WWOX: variants seen among roughly 807,000 people sequenced by gnomAD.
WWOX encodes the protein WW domain containing oxidoreductase, also known as WW domain-containing oxidoreductase.
In WWOX, 69 loss-of-function variants were observed where a neutral mutation model predicts 46.2. That is an observed-to-expected ratio of 1.49 (90% CI 1.23 to 1.82). The LOEUF is 1.82. Among genes scored for constraint, WWOX ranks in the 40% most tolerant of loss-of-function variants. The pLI is 0.00. For synonymous variants in WWOX, 359 were observed against 202.6 expected (o/e 1.77, Z -6.56); for missense variants, 919 against 542.6 (o/e 1.69, Z -6.89).
At chr16:78,391,303 C>T (rs2082170333) in intron 6 of WWOX, among the ~76,000 whole-genome samples, 1 of 152,210 alleles carries the variant, frequency 6.6e-6, no homozygotes, top group South Asian at 2.1e-4. Flanking sequence ...GTGTGCTAAG[C>T]ACTTACATAC....
rs1555548219 is a variant in WWOX at position 78,174,998 on chromosome 16, G to GTAATAGTAA, written c.516+10714_516+10715insGTAATAATA. 1.5e-4 allele frequency among the ~76,000 whole-genome samples: 21 copies of GTAATAGTAA among 140,870 alleles called. 1 individual carries two copies. The highest frequency in any genetic ancestry group is 3.8e-3 in the Middle Eastern group (1 of 264). 92.4% of individuals were successfully genotyped at this position (140,870 alleles called of 152,430 possible). A position where few individuals can be genotyped will look rare whatever the true frequency, so the allele number is the denominator to read the frequency against. On this transcript the variant is annotated intron_variant, in intron 5 of 8. Transcript: ENST00000566780. Reference sequence around the variant, plus strand: ...GCAAGACTCTGTCTCAAAAATAATAGTAATAATAATAATAATAATAATAAT... The same window carrying GTAATAGTAA: ...GCAAGACTCTGTCTCAAAAATAATAGTAATAGTAATAATAATAATAATAATAATAATAAT...
chr16:78,584,356 C>A (rs564496919), intron 8 of WWOX, among the ~76,000 whole-genome samples: 246 of 152,296 alleles, frequency 1.6e-3, no homozygotes, highest in African/African-American at 5.8e-3. Context: ...AGACCAAGCA[C>A]TTGAATCCAT....
intron 8 of WWOX, among the ~76,000 whole-genome samples, chr16:79,111,238 T>C (rs1363520195): frequency 6.6e-6 from 1 of 152,232 alleles, no homozygotes. Flanking sequence ...TTGTAAGCAG[T>C]TCAGGCACTG....
chr16:78,209,466 A>G (rs1391192222), intron 5 of WWOX, among the ~76,000 whole-genome samples: 2 of 152,208 alleles, frequency 1.3e-5, no homozygotes, highest in Admixed American at 6.5e-5. Context: ...AATATGTTTC[A>G]ATATAAGAAA....
At chr16:78,186,868 T>G (rs1329205432) in intron 5 of WWOX, among the ~76,000 whole-genome samples, 3 of 152,206 alleles carry the variant, frequency 2.0e-5, no homozygotes, top group Non-Finnish European at 4.4e-5. Flanking sequence ...CTGGGTACCC[T>G]TAACCCAGCT....
intron 8 of WWOX, among the ~76,000 whole-genome samples, chr16:78,856,628 G>C (rs1207929399): frequency 1.3e-5 from 2 of 152,126 alleles, no homozygotes; most frequent in Non-Finnish European, 2.9e-5. Flanking sequence ...GGGTGACAGA[G>C]CAAGACTCTG....
rs554246118 is a variant in WWOX, at chr16:78,356,818, G to A, written c.517-30042G>A. Among the ~76,000 whole-genome samples the A allele has an allele frequency of 6.6e-5, 10 of 152,272 alleles. No homozygotes were observed. The South Asian group carries it at 2.1e-3, about 32-fold the overall frequency. On this transcript the variant is annotated intron_variant, in intron 5 of 8. Transcript: ENST00000566780. ...AATTTCTTGAACCTGGGAGGTGGAG[G>A]TTGAAGTGAGCTGAGATGGCACCAT...
intron 8 of WWOX, among the ~76,000 whole-genome samples, chr16:78,881,038 C>T (rs1207370604): frequency 7.3e-6 from 1 of 136,578 alleles, no homozygotes. Context: ...TGTTGCCAGG[C>T]TGGAGTGTGG....
chr16:78,585,859 T>C (rs1443152026), intron 8 of WWOX, among the ~76,000 whole-genome samples: 1 of 151,984 alleles, frequency 6.6e-6, no homozygotes, highest in Non-Finnish European at 1.5e-5. Context: ...CTGGAATCTT[T>C]TATTGTCTTG....
At chr16:78,657,805 C>G (rs1368882173) in intron 8 of WWOX, among the ~76,000 whole-genome samples, 1 of 152,102 alleles carries the variant, frequency 6.6e-6, no homozygotes, top group Non-Finnish European at 1.5e-5. Flanking sequence ...TTTATTAAAA[C>G]AGGTTTTGTT....
At chr16:78,958,090 C>T (rs1157294026) in intron 8 of WWOX, among the ~76,000 whole-genome samples, 1 of 152,112 alleles carries the variant, frequency 6.6e-6, no homozygotes, top group African/African-American at 2.4e-5. Context: ...GGAATCTGAG[C>T]CTTCATATTC....
chr16:78,844,591 G>A (rs1243961088), intron 8 of WWOX, among the ~76,000 whole-genome samples: 1 of 152,110 alleles, frequency 6.6e-6, no homozygotes, highest in Non-Finnish European at 1.5e-5. Context: ...ACATGTGGAG[G>A]GAAAGACCGC....
At chr16:78,377,957 C>T (rs1427150450) in intron 5 of WWOX, among the ~76,000 whole-genome samples, 1 of 152,066 alleles carries the variant, frequency 6.6e-6, no homozygotes, top group Non-Finnish European at 1.5e-5. Flanking sequence ...GAGTTGTCAT[C>T]ATTTTCTTAT....
At position 78,599,472 on chromosome 16, in the gene WWOX, C is replaced by G. The variant is rs79857930; in HGVS notation, c.1056+166720C>G. Reference sequence around the variant, plus strand: ...TGGCCTGTCAGTTCAATCAGGCAGCCCCTCTGACTGGTGTTTTTCACTAAG... The same window carrying G: ...TGGCCTGTCAGTTCAATCAGGCAGCGCCTCTGACTGGTGTTTTTCACTAAG... On this transcript the variant is annotated intron_variant, in intron 8 of 8. Transcript: ENST00000566780. Among the ~76,000 whole-genome samples the G allele has an allele frequency of 5.3e-5, 8 of 152,304 alleles. No individual in the cohort carries two copies. In the East Asian group the frequency reaches 1.5e-3, roughly 30 times the overall value.
chr16:78,586,165 T>A (rs569215720), intron 8 of WWOX, among the ~76,000 whole-genome samples: 25 of 152,244 alleles, frequency 1.6e-4, no homozygotes, highest in African/African-American at 5.8e-4. Flanking sequence ...AAGACTAGCC[T>A]GGGCAACATA....
intron 8 of WWOX, among the ~76,000 whole-genome samples, chr16:78,516,609 C>T (rs189489873): frequency 2.0e-5 from 3 of 152,276 alleles, no homozygotes; most frequent in South Asian, 2.1e-4. Flanking sequence ...CCCCAGCCAT[C>T]GTTCTCCATT....
At chr16:79,097,729 C>G (rs1292379282) in intron 8 of WWOX, among the ~76,000 whole-genome samples, 1 of 152,112 alleles carries the variant, frequency 6.6e-6, no homozygotes, top group Admixed American at 6.5e-5. Flanking sequence ...TACTTTCTGT[C>G]TTTTATTTAG....
At chr16:78,521,734 T>G (rs1183841393) in intron 8 of WWOX, among the ~76,000 whole-genome samples, 2 of 152,112 alleles carry the variant, frequency 1.3e-5, no homozygotes, top group African/African-American at 4.8e-5. Context: ...CAAAAGAGTA[T>G]CTCTCAAAAT....
intron 8 of WWOX, among the ~76,000 whole-genome samples, chr16:78,883,670 G>GT (rs1225508197): frequency 6.6e-6 from 1 of 151,466 alleles, no homozygotes; most frequent in Non-Finnish European, 1.5e-5. Flanking sequence ...GTTGCAGTGA[G>GT]TTGAGATCAT....
Sources: allele counts gnomAD v4.1 joint callset (sites outside exome capture counted in the v4.1 genomes callset), GRCh38; gene constraint gnomAD v4.1.1; transcripts MANE v1.5; gene names NCBI Gene and HGNC (gene_info 2026-07-23, HGNC 2026-07-21).